Variants in PTGER4 observed in about 807,000 individuals in gnomAD.
PTGER4 encodes prostaglandin E2 receptor EP4 subtype.
PTGER4 carries 11 observed loss-of-function variants against 33.2 expected under a neutral mutation model. That is an observed-to-expected ratio of 0.33 (90% CI 0.21 to 0.55). The LOEUF (loss-of-function observed/expected upper bound fraction) is 0.55. PTGER4 is among the 20% of genes least tolerant of loss of function. The pLI is 0.92. For synonymous variants in PTGER4, 275 were observed against 281.5 expected (o/e 0.98, Z 0.23); for missense variants, 481 against 650.2 (o/e 0.74, Z 2.83).
the PTGER4 span, among the ~76,000 whole-genome samples, chr5:40,711,565 C>T: frequency 6.6e-6 from 1 of 151,980 alleles, no homozygotes; most frequent in African/African-American, 2.4e-5. Flanking sequence ...CACATATGTC[C>T]ACACATAGAA....
At chr5:40,706,572 G>A in the PTGER4 span, among the ~76,000 whole-genome samples, 1 of 150,414 alleles carries the variant, frequency 6.6e-6, no homozygotes, top group African/African-American at 2.5e-5. Flanking sequence ...ACATGAAATG[G>A]ATCATAGGCC....
the PTGER4 span, among the ~76,000 whole-genome samples, chr5:40,708,970 C>T: frequency 6.6e-6 from 1 of 152,108 alleles, no homozygotes; most frequent in Non-Finnish European, 1.5e-5. Flanking sequence ...AGGCCTTAGA[C>T]AAAATTCAAC....
At chr5:40,709,330 CA>C in the PTGER4 span, among the ~76,000 whole-genome samples, 1 of 152,184 alleles carries the variant, frequency 6.6e-6, no homozygotes, top group Non-Finnish European at 1.5e-5. Flanking sequence ...GCAACTTCAG[CA>C]AAGTCTCAGG....
At chr5:40,722,363 G>C in the PTGER4 span, among the ~76,000 whole-genome samples, 1 of 151,996 alleles carries the variant, frequency 6.6e-6, no homozygotes, top group Non-Finnish European at 1.5e-5. Flanking sequence ...CTGCCTGGCC[G>C]CCCATCGTCT....
chr5:40,723,526 AAAG>A, the PTGER4 span, among the ~76,000 whole-genome samples: 595 of 140,704 alleles, frequency 4.2e-3, 4 homozygotes, highest in African/African-American at 0.014. Flanking sequence ...AAAAAAAAAA[AAAG>A]AAATATCACC....
the PTGER4 span, among the ~76,000 whole-genome samples, chr5:40,722,956 G>C: frequency 6.6e-6 from 1 of 152,332 alleles, no homozygotes; most frequent in Admixed American, 6.5e-5. Flanking sequence ...AGCTCATTGA[G>C]AGCGGGCCAT....
chr5:40,681,739 C>A lies in PTGER4; in HGVS notation c.746C>A (p.Pro249Gln), dbSNP rs552043222. The A allele has an allele frequency of 1.9e-5, 30 of 1,596,622 alleles. 1 individual carries two copies. The South Asian group carries it at 2.3e-4, about 12-fold the overall frequency. Residue 249 changes from proline (P) to glutamine (Q), a missense_variant, in exon 2 of 3, where the codon CCG (proline) becomes CAG (glutamine). Physicochemically the swap from Pro to Gln is moderately conservative, Grantham distance 76 (BLOSUM62 -1). Transcript: ENST00000302472. The surrounding 1 kb of genome is among the most constrained non-coding windows in gnomAD (Gnocchi z 9.8). ...CACCCCGCTGCCTCCCCAGCCTTGC[C>A]GCGCCTCAGCGACTTTCGGCGCCGC... ...RGHPAASPAL[P>Q]RLSDFRRRRS... is the part of the protein sequence containing the mutation.
the PTGER4 span, among the ~76,000 whole-genome samples, chr5:40,742,098 CA>C: frequency 6.6e-6 from 1 of 152,150 alleles, no homozygotes; most frequent in South Asian, 2.1e-4. Flanking sequence ...TGGTTGAAAA[CA>C]GTTTTTTTTT....
At position 40,681,783 on chromosome 5, in the gene PTGER4, G is replaced by C; in HGVS notation, c.790G>C (p.Ala264Pro). The C allele has an allele frequency of 6.3e-7, 1 of 1,595,406 alleles. No individual in the cohort carries two copies. Among genetic ancestry groups the C allele is most frequent in the Non-Finnish European group, 8.5e-7 (1 of 1,174,224 alleles). The change falls in exon 2 of 3, where the codon GCG becomes CCG. Residue 264 changes from alanine (A) to proline (P), a missense_variant. Ala to Pro is a conservative substitution (Grantham distance 27). Transcript: ENST00000302472. The surrounding 1 kb of genome is among the most constrained non-coding windows in gnomAD (Gnocchi z 9.8). ...FRRRRSFRRI[A>P]GAEIQMVILL... ...GCGCCGCCGGAGCTTCCGCCGCATCGCGGGCGCCGAGATCCAGATGGTCAT... is the reference window on the plus strand; with the variant it reads ...GCGCCGCCGGAGCTTCCGCCGCATCCCGGGCGCCGAGATCCAGATGGTCAT...
chr5:40,693,535 C>T lies in PTGER4; in HGVS notation c.*1157C>T. The T allele has an allele frequency of 1.0e-6, 1 of 985,848 alleles. No individual in the cohort carries two copies. The highest frequency in any genetic ancestry group is 1.2e-6 in the Non-Finnish European group (1 of 829,832). 61.1% of individuals were successfully genotyped at this position (985,848 alleles called of 1,614,324 possible). A position where few individuals can be genotyped will look rare whatever the true frequency, so the allele number is the denominator to read the frequency against. ...GGGGCACTTAATGGTCACCTTGTAA[C>T]AGTTTTGTGTAACTCCCAGTGATGC... On this transcript the variant is annotated 3_prime_UTR_variant, in exon 3 of 3. Coordinates refer to ENST00000302472, the MANE Select transcript of PTGER4 (RefSeq NM_000958.3).
the PTGER4 span, among the ~76,000 whole-genome samples, chr5:40,737,698 AT>A: frequency 6.6e-6 from 1 of 152,298 alleles, no homozygotes; most frequent in East Asian, 1.9e-4. Flanking sequence ...AATAAAGAAC[AT>A]TTTTGTCAAT....
Position 40,680,946 on chromosome 5 carries a change from C to A in PTGER4, c.-43-5C>A, listed in dbSNP as rs1013603510. ...GCAGCTTTGTCTCTCTTCTACCATC[C>A]CCAGACCCAGCCTTGCACTCCAAGG... On this transcript the variant is annotated splice_region_variant and splice_polypyrimidine_tract_variant and intron_variant, in intron 1 of 2. Coordinates refer to ENST00000302472, the MANE Select transcript of PTGER4 (RefSeq NM_000958.3). This position sits in a 1 kb window ranked among gnomAD's most constrained non-coding sequence, Gnocchi z 5.5. 2.6e-6 allele frequency: 4 copies of A among 1,560,410 alleles called. No individual in the cohort carries two copies. The highest frequency in any genetic ancestry group is 1.8e-5 in the Admixed American group (1 of 54,070).
chr5:40,703,420 C>T, the PTGER4 span, among the ~76,000 whole-genome samples: 2 of 152,258 alleles, frequency 1.3e-5, no homozygotes, highest in East Asian at 1.9e-4. Flanking sequence ...TGGACACATA[C>T]ACCTTCCCAA....
Position 40,691,281 on chromosome 5 carries a change from A to C in PTGER4, c.868-498A>C, listed in dbSNP as rs1489174880. 3.9e-5 allele frequency among the ~76,000 whole-genome samples: 6 copies of C among 152,264 alleles called. No homozygotes were observed. The highest frequency in any genetic ancestry group is 1.4e-4 in the African/African-American group (6 of 41,468). On this transcript the variant is annotated intron_variant, in intron 2 of 2. Transcript: ENST00000302472. This position sits in a 1 kb window ranked among gnomAD's most constrained non-coding sequence, Gnocchi z 4.2. ...ACTGCAACCTCCGCCTCCCAGGTTCAAATGATTCTCCTGCCTCAGCCTCCC... is the reference window on the plus strand; with the variant it reads ...ACTGCAACCTCCGCCTCCCAGGTTCCAATGATTCTCCTGCCTCAGCCTCCC...
downstream of PTGER4, among the ~76,000 whole-genome samples, chr5:40,697,960 C>A (rs1010827063): frequency 5.9e-5 from 9 of 151,874 alleles, no homozygotes; most frequent in Non-Finnish European, 1.3e-4. Context: ...ATGTCCTCTG[C>A]AGTAGCACAA....
the PTGER4 span, among the ~76,000 whole-genome samples, chr5:40,739,406 G>A: frequency 6.6e-6 from 1 of 152,170 alleles, no homozygotes; most frequent in Non-Finnish European, 1.5e-5. Flanking sequence ...GTTTGGATCT[G>A]TATCCCCACC....
chr5:40,736,380 A>C, the PTGER4 span, among the ~76,000 whole-genome samples: 1 of 152,218 alleles, frequency 6.6e-6, no homozygotes, highest in South Asian at 2.1e-4. Flanking sequence ...GACAAGAACA[A>C]AATGCATGGT....
Position 40,692,301 on chromosome 5 carries a change from G to C in PTGER4, c.1390G>C (p.Gly464Arg). 6.2e-7 allele frequency: 1 copy of C among 1,613,902 alleles called. No individual in the cohort carries two copies. The highest frequency in any genetic ancestry group is 8.5e-7 in the Non-Finnish European group (1 of 1,179,924). The change falls in exon 3 of 3, where the codon GGG (glycine) becomes CGG (arginine). Residue 464 changes from glycine (G) to arginine (R), a missense_variant. By Grantham distance (125) the Gly-to-Arg change is moderately radical. Around this residue, in one of 7 missense-constraint regions of PTGER4, gnomAD observed 172 missense variants for 199.2 expected, o/e 0.86. Coordinates refer to ENST00000302472, the MANE Select transcript of PTGER4 (RefSeq NM_000958.3). The part of the protein sequence containing the change: ...VDEAGGSGRA[G>R]PAPKGSSLQV... ...TGAGGCTGGTGGGAGCGGCAGGGCT[G>C]GGCCTGCCCCTAAGGGGAGCTCCCT...
At chr5:40,738,539 C>CAATAAAATAAAATAAAATAA in the PTGER4 span, among the ~76,000 whole-genome samples, 67 of 67,410 alleles carry the variant, frequency 9.9e-4, 2 homozygotes, top group South Asian at 0.012. Context: ...CAATAAAATA[C>CAATAAAATAAAATAAAATAA]AATAAAATAA....
Sources: gnomAD v4.1 joint callset for allele counts (sites outside exome capture counted in the v4.1 genomes callset) on GRCh38, gnomAD v4.1.1 for gene constraint, gnomAD v4.1.1 regional missense constraint, Gnocchi (gnomAD v3.1) non-coding constraint, MANE v1.5 for transcripts, NCBI Gene and HGNC (gene_info 2026-07-23, HGNC 2026-07-21) for gene names.